The following PTPN2 variants were observed in gnomAD, a reference collection of about 807,000 sequenced individuals.
PTPN2 encodes the protein tyrosine-protein phosphatase non-receptor type 2.
Under a neutral mutation model 57.3 loss-of-function variants are expected in PTPN2, and 19 were observed. The ratio of observed to expected loss-of-function variants is 0.33; its 90% CI spans 0.23 to 0.49. PTPN2 has a LOEUF of 0.49. Among genes scored for constraint, PTPN2 ranks in the 20% least tolerant of loss-of-function variants. The probability of loss-of-function intolerance (pLI) is 0.99; values close to 1 mark genes in which losing one functional copy is unlikely to be tolerated. For synonymous variants in PTPN2, 153 were observed against 164.9 expected (o/e 0.93, Z 0.55); for missense variants, 358 against 501.1 (o/e 0.71, Z 2.73).
chr18:12,838,852 T>C (rs1438120678), intron 2 of PTPN2, among the ~76,000 whole-genome samples: 1 of 152,128 alleles, frequency 6.6e-6, no homozygotes, highest in Non-Finnish European at 1.5e-5. Context: ...CTAGATATTA[T>C]TTTAATTCTT....
chr18:12,825,916 T>A lies in PTPN2; in HGVS notation c.389A>T (p.Asp130Val). 6.2e-7 allele frequency: 1 copy of A among 1,611,194 alleles called. No homozygotes were observed. Among genetic ancestry groups the A allele is most frequent in the Non-Finnish European group, 8.5e-7 (1 of 1,177,688 alleles). The part of the protein sequence containing the change: ...SVKCAQYWPT[D>V]DQEMLFKETG... ...TTCTTTAAACAGCATCTCTTGGTCA[T>A]CTGTTGGCCAGTACTGTGCACATTT... Residue 130 changes from aspartate to valine, a missense_variant, in exon 5 of 9, where the codon GAT (aspartate) becomes GTT (valine). Asp to Val is a radical substitution (Grantham distance 152, BLOSUM62 -3). Transcript: ENST00000309660.
chr18:12,881,943 G>C (rs547586046), intron 1 of PTPN2, among the ~76,000 whole-genome samples: 2 of 152,266 alleles, frequency 1.3e-5, no homozygotes, highest in South Asian at 4.1e-4. Context: ...AGCATGTTAT[G>C]AACGAATGAA....
chr18:12,788,159 T>C (rs757730488), downstream of PTPN2: 62 of 154,660 alleles, frequency 4.0e-4, no homozygotes, highest in Non-Finnish European at 7.2e-4. Context: ...GTCTGAAAAA[T>C]ATGCCAAATT....
chr18:12,799,406 G>C (rs2041320568), intron 8 of PTPN2, among the ~76,000 whole-genome samples: 1 of 150,354 alleles, frequency 6.7e-6, no homozygotes, highest in African/African-American at 2.5e-5. Context: ...GACAGAGCAA[G>C]ACTCCGTCTC....
chr18:12,860,458 G>A (rs1425167346), intron 1 of PTPN2, among the ~76,000 whole-genome samples: 1 of 151,920 alleles, frequency 6.6e-6, no homozygotes, highest in African/African-American at 2.4e-5. Context: ...TTAGCCAGGC[G>A]CGATGGCAGG....
At chr18:12,806,038 CTG>C (rs1397902085) in intron 7 of PTPN2, among the ~76,000 whole-genome samples, 4 of 152,042 alleles carry the variant, frequency 2.6e-5, no homozygotes, top group Non-Finnish European at 5.9e-5. Flanking sequence ...CAAATTGTCT[CTG>C]TTTGCAGAAG....
intron 7 of PTPN2, among the ~76,000 whole-genome samples, chr18:12,807,951 G>C (rs1374041169): frequency 3.9e-5 from 6 of 151,998 alleles, no homozygotes; most frequent in Non-Finnish European, 8.8e-5. Context: ...TGGGAGGCTA[G>C]GGCGGGCAGA....
At chr18:12,845,034 C>T (rs1467735325) in intron 2 of PTPN2, among the ~76,000 whole-genome samples, 10 of 152,190 alleles carry the variant, frequency 6.6e-5, no homozygotes, top group Admixed American at 6.5e-4. Context: ...TCTGCCACTA[C>T]CACACTGTTT....
At chr18:12,820,792 T>C (rs2042246395) in intron 5 of PTPN2, among the ~76,000 whole-genome samples, 1 of 152,246 alleles carries the variant, frequency 6.6e-6, no homozygotes. Flanking sequence ...TGTAAAACTC[T>C]GCATTATGTA....
In PTPN2 at chr18:12,794,210, C is replaced by A. The variant is rs1362111260; in HGVS notation, c.*68G>T. The stretch of plus-strand genomic sequence containing the variant: ...TGGGATATGAGGCGTTTGCTGCAGA[C>A]AAACCCCTATGATTAATGTAGCACT... On this transcript the variant is annotated 3_prime_UTR_variant, in exon 9 of 9. Coordinates refer to ENST00000309660, the MANE Select transcript of PTPN2 (RefSeq NM_002828.4). 4 of 1,596,108 alleles carry A rather than the reference C, an allele frequency of 2.5e-6. No homozygotes were observed. Among genetic ancestry groups the A allele is most frequent in the African/African-American group, 2.7e-5 (2 of 74,104 alleles).
At chr18:12,827,109 T>TGA (rs1376994946) in intron 4 of PTPN2, among the ~76,000 whole-genome samples, 4 of 151,776 alleles carry the variant, frequency 2.6e-5, no homozygotes, top group African/African-American at 9.7e-5. Context: ...TTTGGGAGGC[T>TGA]GAGGCAGGCG....
rs1006493076 is a variant in PTPN2 at position 12,879,117 on chromosome 18, C to G, written c.69+4956G>C. On this transcript the variant is annotated intron_variant, in intron 1 of 8. Transcript: ENST00000309660. ...CCTCACACAATCAGACCAAATTAAACTTTTCCAACTGCACCCTTTGTTTTG... is the reference window on the plus strand; with the variant it reads ...CCTCACACAATCAGACCAAATTAAAGTTTTCCAACTGCACCCTTTGTTTTG... Among the ~76,000 whole-genome samples, 5 of 152,304 alleles carry G rather than the reference C, an allele frequency of 3.3e-5. No individual in the cohort carries two copies. The South Asian group carries it at 1.0e-3, about 32-fold the overall frequency.
intron 4 of PTPN2, among the ~76,000 whole-genome samples, chr18:12,826,483 A>C (rs1344556918): frequency 6.6e-6 from 1 of 152,202 alleles, no homozygotes; most frequent in Non-Finnish European, 1.5e-5. Flanking sequence ...CCAGTTTTAG[A>C]ACATTTCTCT....
intron 1 of PTPN2, among the ~76,000 whole-genome samples, chr18:12,865,479 A>G (rs942389601): frequency 2.1e-4 from 32 of 150,172 alleles, no homozygotes; most frequent in African/African-American, 7.6e-4. Context: ...ACAGTGGCTC[A>G]TGCCTGTAAT....
At chr18:12,834,756 T>C (rs1050976322) in intron 3 of PTPN2, among the ~76,000 whole-genome samples, 4 of 151,932 alleles carry the variant, frequency 2.6e-5, no homozygotes, top group Non-Finnish European at 5.9e-5. Flanking sequence ...TCTTAAGACC[T>C]ATGTTTTTAA....
Position 12,884,062 on chromosome 18 carries a change from C to A in PTPN2, c.69+11G>T. On this transcript the variant is annotated intron_variant, in intron 1 of 8. Transcript: ENST00000309660. ...GGAGGTCGGCGACTGCCGCGTGGGT[C>A]CGCGACTCACCAAGTACAGCGGCTG... 6.4e-7 allele frequency: 1 copy of A among 1,567,888 alleles called. No individual in the cohort carries two copies. Among genetic ancestry groups the A allele is most frequent in the Non-Finnish European group, 8.6e-7 (1 of 1,158,214 alleles).
intron 4 of PTPN2, among the ~76,000 whole-genome samples, chr18:12,829,518 A>C (rs952291705): frequency 2.0e-5 from 3 of 151,834 alleles, no homozygotes; most frequent in African/African-American, 7.3e-5. Context: ...AAAAAAAAAA[A>C]AAAAAGAGGA....
chr18:12,879,392 T>C (rs1201733387), intron 1 of PTPN2, among the ~76,000 whole-genome samples: 1 of 152,216 alleles, frequency 6.6e-6, no homozygotes, highest in Non-Finnish European at 1.5e-5. Flanking sequence ...CAATCATCCC[T>C]TCTATTTCAA....
chr18:12,814,683 C>G (rs2042006246), intron 6 of PTPN2, among the ~76,000 whole-genome samples: 1 of 152,008 alleles, frequency 6.6e-6, no homozygotes, highest in Admixed American at 6.6e-5. Flanking sequence ...AGTATAAGGA[C>G]TATTTTTTTT....
Sources: allele counts gnomAD v4.1 joint callset (sites outside exome capture counted in the v4.1 genomes callset), GRCh38; gene constraint gnomAD v4.1.1; transcripts MANE v1.5; gene names NCBI Gene and HGNC (gene_info 2026-07-23, HGNC 2026-07-21).